TMEM132B: variants seen among roughly 807,000 people sequenced by gnomAD.
TMEM132B encodes transmembrane protein 132B.
In TMEM132B, 18 loss-of-function variants were observed where a neutral mutation model predicts 90.8. The ratio of observed to expected loss-of-function variants is 0.20; its 90% CI spans 0.14 to 0.29. TMEM132B has a LOEUF of 0.29. Among genes scored for constraint, TMEM132B ranks in the 10% least tolerant of loss-of-function variants. The pLI, the probability that TMEM132B is intolerant of heterozygous loss-of-function variation, is 1.00. For missense variants in TMEM132B, 1,096 were observed against 1,326.8 expected (o/e 0.83, Z 2.70); for synonymous variants, 504 against 523.3 (o/e 0.96, Z 0.50).
chr12:125,650,814 C>G lies in TMEM132B; in HGVS notation c.1775C>G (p.Thr592Ser), dbSNP rs753094267. ...VAESPDLGQL[T>S]YMLGPDWQFD... ...GAGTCACCTGACTTAGGGCAGCTGACCTACATGCTGGGCCCCGACTGGCAG... is the reference window on the plus strand; with the variant it reads ...GAGTCACCTGACTTAGGGCAGCTGAGCTACATGCTGGGCCCCGACTGGCAG... The change falls in exon 7 of 9, where the codon ACC (threonine) becomes AGC (serine). Residue 592 changes from threonine (T) to serine (S), a missense_variant. Coordinates refer to ENST00000682704, the MANE Select transcript of TMEM132B (RefSeq NM_001366854.1). 6.2e-7 allele frequency: 1 copy of G among 1,614,234 alleles called. No homozygotes were observed. Among genetic ancestry groups the G allele is most frequent in the Non-Finnish European group, 8.5e-7 (1 of 1,180,040 alleles).
intron 3 of TMEM132B, among the ~76,000 whole-genome samples, chr12:125,422,238 G>A (rs1462607461): frequency 6.6e-6 from 1 of 152,218 alleles, no homozygotes; most frequent in East Asian, 1.9e-4. Flanking sequence ...CCATTTAACA[G>A]ATGTGTAAAT....
intron 1 of TMEM132B, among the ~76,000 whole-genome samples, chr12:125,271,673 A>G (rs545211960): frequency 1.3e-5 from 2 of 152,294 alleles, no homozygotes; most frequent in African/African-American, 2.4e-5. Flanking sequence ...TGGCATGTGC[A>G]CAGGTAGGAA....
chr12:125,284,201 A>G (rs1413537716), intron 1 of TMEM132B, among the ~76,000 whole-genome samples: 3 of 152,200 alleles, frequency 2.0e-5, no homozygotes, highest in African/African-American at 7.2e-5. Context: ...CTCAAAATTC[A>G]AAAGGGATAC....
At chr12:125,326,460 C>G in intron 1 of TMEM132B, 1 of 792,652 alleles carries the variant, frequency 1.3e-6, no homozygotes, top group South Asian at 1.6e-5. Flanking sequence ...AATATGAGCT[C>G]AAAATGGAGC....
At chr12:125,280,490 C>T (rs978166194) in intron 1 of TMEM132B, among the ~76,000 whole-genome samples, 5 of 152,232 alleles carry the variant, frequency 3.3e-5, no homozygotes, top group African/African-American at 9.6e-5. Flanking sequence ...CTTAAAATAA[C>T]AAGGTTTATT....
chr12:125,478,350 G>A lies in TMEM132B; in HGVS notation c.1107-41089G>A, dbSNP rs118089654. Among the ~76,000 whole-genome samples, 140 of 152,256 alleles carry A rather than the reference G, an allele frequency of 9.2e-4. 4 individuals are homozygous for A. In the East Asian group the frequency reaches 0.025, roughly 27 times the overall value. On this transcript the variant is annotated intron_variant, in intron 3 of 8. Coordinates refer to ENST00000682704, the MANE Select transcript of TMEM132B (RefSeq NM_001366854.1). ...AGGAGGATGTTCAAAGCCATCATAA[G>A]GAAGCTAAAAACCTTGAAAAGAGAT...
intron 3 of TMEM132B, among the ~76,000 whole-genome samples, chr12:125,491,462 C>T (rs1390381974): frequency 6.6e-6 from 1 of 152,168 alleles, no homozygotes; most frequent in Non-Finnish European, 1.5e-5. Flanking sequence ...CCATCATTAA[C>T]CAAACTTCCT....
intron 3 of TMEM132B, among the ~76,000 whole-genome samples, chr12:125,426,436 C>T (rs1880321974): frequency 6.6e-6 from 1 of 152,102 alleles, no homozygotes; most frequent in African/African-American, 2.4e-5. Flanking sequence ...CTTTGGATGA[C>T]TAAAAAGTTC....
At position 125,415,416 on chromosome 12, in the gene TMEM132B, G is replaced by A. The variant is rs755775129; in HGVS notation, c.960-115G>A. The A allele has an allele frequency of 9.3e-5, 120 of 1,289,560 alleles. No individual in the cohort carries two copies. Among genetic ancestry groups the A allele is most frequent in the South Asian group, 2.5e-4 (14 of 57,108 alleles). The allele number at this position is 1,289,560 out of a possible 1,614,324, so 79.9% of individuals were successfully genotyped here. The stretch of plus-strand genomic sequence containing the variant: ...CTCTCCCCCACATCTCCCAGAGGAA[G>A]GGGGCGATGTTACAGATGCTTTCCC... On this transcript the variant is annotated intron_variant, in intron 2 of 8. Transcript: ENST00000682704. This position sits in a 1 kb window ranked among gnomAD's most constrained non-coding sequence, Gnocchi z 5.3.
chr12:125,256,458 C>G (rs1385615924), intron 1 of TMEM132B, among the ~76,000 whole-genome samples: 1 of 152,164 alleles, frequency 6.6e-6, no homozygotes, highest in Admixed American at 6.5e-5. Context: ...GTCTTTGGGT[C>G]AAATCCGGTC....
chr12:125,492,094 G>T lies in TMEM132B; in HGVS notation c.1107-27345G>T, dbSNP rs1882367449. 6.6e-6 allele frequency among the ~76,000 whole-genome samples: 1 copy of T among 152,180 alleles called. No individual in the cohort carries two copies. Among genetic ancestry groups the T allele is most frequent in the African/African-American group, 2.4e-5 (1 of 41,440 alleles). On this transcript the variant is annotated intron_variant, in intron 3 of 8. Transcript: ENST00000682704. This position sits in a 1 kb window ranked among gnomAD's most constrained non-coding sequence, Gnocchi z 5.8. ...AGGATCAATACTGCTTATGTGGAGT[G>T]AAAGTGGCCCATGTCATGGGGATCT...
chr12:125,336,575 C>G (rs1471921995), intron 1 of TMEM132B, among the ~76,000 whole-genome samples: 1 of 152,178 alleles, frequency 6.6e-6, no homozygotes, highest in South Asian at 2.1e-4. Context: ...CAGTAATGAA[C>G]AGATGAAGGA....
At chr12:125,438,101 T>G (rs1368856184) in intron 3 of TMEM132B, among the ~76,000 whole-genome samples, 2 of 152,234 alleles carry the variant, frequency 1.3e-5, no homozygotes, top group Non-Finnish European at 2.9e-5. Flanking sequence ...TTCCATGTAG[T>G]CTTTCAAACT....
intron 1 of TMEM132B, among the ~76,000 whole-genome samples, chr12:125,348,515 T>G (rs1877442527): frequency 8.4e-6 from 1 of 119,476 alleles, no homozygotes; most frequent in African/African-American, 3.5e-5. Context: ...TTTTTTTTTT[T>G]GTAGAGACAG....
At chr12:125,552,040 C>T (rs914685751) in intron 4 of TMEM132B, among the ~76,000 whole-genome samples, 3 of 152,218 alleles carry the variant, frequency 2.0e-5, no homozygotes, top group Admixed American at 1.3e-4. Flanking sequence ...CTCTCAGTTC[C>T]TCCTGAGTTT....
At chr12:125,427,841 T>C (rs998495538) in intron 3 of TMEM132B, among the ~76,000 whole-genome samples, 1 of 152,222 alleles carries the variant, frequency 6.6e-6, no homozygotes, top group African/African-American at 2.4e-5. Flanking sequence ...GATTTCCTTA[T>C]GCAGGAAAAA....
chr12:125,247,086 A>T (rs541588652), intron 1 of TMEM132B, among the ~76,000 whole-genome samples: 1 of 152,330 alleles, frequency 6.6e-6, no homozygotes, highest in Admixed American at 6.5e-5. Flanking sequence ...GCTTCCAGTA[A>T]TGACGCACTC....
At chr12:125,598,253 C>T (rs1294521050) in intron 5 of TMEM132B, among the ~76,000 whole-genome samples, 1 of 152,130 alleles carries the variant, frequency 6.6e-6, no homozygotes, top group Non-Finnish European at 1.5e-5. Context: ...AGATGGGATA[C>T]ATTGAGGAAA....
At chr12:125,263,048 C>T (rs1379582683) in intron 1 of TMEM132B, among the ~76,000 whole-genome samples, 4 of 152,218 alleles carry the variant, frequency 2.6e-5, no homozygotes, top group Non-Finnish European at 5.9e-5. Flanking sequence ...AGCTTTTACC[C>T]AGCAGTTTTC....
Sources: gnomAD v4.1 joint callset for allele counts (sites outside exome capture counted in the v4.1 genomes callset) on GRCh38, gnomAD v4.1.1 for gene constraint, Gnocchi (gnomAD v3.1) non-coding constraint, MANE v1.5 for transcripts, NCBI Gene and HGNC (gene_info 2026-07-23, HGNC 2026-07-21) for gene names.